MAP2K5: variants seen among roughly 807,000 people sequenced by gnomAD.
MAP2K5 encodes the protein mitogen-activated protein kinase kinase 5.
Under a neutral mutation model 83.1 loss-of-function variants are expected in MAP2K5, and 49 were observed. That is an observed-to-expected ratio of 0.59 (90% CI 0.47 to 0.75). The LOEUF (loss-of-function observed/expected upper bound fraction) is 0.75, where lower values mean the gene tolerates loss of function less well. Ranked by LOEUF, MAP2K5 falls within the 30% of genes least tolerant of loss-of-function variation. The probability of loss-of-function intolerance (pLI) is 0.00; values close to 1 mark genes in which losing one functional copy is unlikely to be tolerated. For synonymous variants in MAP2K5, 202 were observed against 191.8 expected, an observed-to-expected ratio of 1.05 and a Z score of -0.44; for missense variants, 457 against 557.5, an observed-to-expected ratio of 0.82 and a Z score of 1.82.
At chr15:67,688,973 G>A (rs961280175) in intron 13 of MAP2K5, among the ~76,000 whole-genome samples, 2 of 152,172 alleles carry the variant, frequency 1.3e-5, no homozygotes, top group East Asian at 3.8e-4. Context: ...CAACCAGTGA[G>A]CAAGATACTG....
chr15:67,805,815 C>T (rs2090793061), intron 21 of MAP2K5, among the ~76,000 whole-genome samples: 1 of 152,220 alleles, frequency 6.6e-6, no homozygotes, highest in Admixed American at 6.5e-5. Context: ...GAAGGCTTTT[C>T]ACTTTTCCTT....
At chr15:67,712,351 T>C (rs1306616566) in intron 16 of MAP2K5, among the ~76,000 whole-genome samples, 5 of 152,180 alleles carry the variant, frequency 3.3e-5, no homozygotes, top group Non-Finnish European at 7.3e-5. Flanking sequence ...ACAAGCCCCA[T>C]CCATGAGCAC....
rs1382750145 is a variant in MAP2K5 at position 67,565,785 on chromosome 15, T to A, written c.252+2435T>A. Among the ~76,000 whole-genome samples, 2 of 152,052 alleles carry A rather than the reference T, an allele frequency of 1.3e-5. No homozygotes were observed. Among genetic ancestry groups the A allele is most frequent in the African/African-American group, 2.4e-5 (1 of 41,398 alleles). ...TCATTGATGAGATAATTTAAAAAAA[T>A]TTTTTGTAGAGATAGGGTCTTGCTT... On this transcript the variant is annotated intron_variant, in intron 3 of 21. Coordinates refer to ENST00000178640, the MANE Select transcript of MAP2K5 (RefSeq NM_145160.3). This position sits in a 1 kb window ranked among gnomAD's most constrained non-coding sequence, Gnocchi z 4.1.
At chr15:67,621,832 T>A (rs1415318039) in intron 8 of MAP2K5, among the ~76,000 whole-genome samples, 2 of 152,112 alleles carry the variant, frequency 1.3e-5, no homozygotes, top group African/African-American at 2.4e-5. Context: ...CTTCCTTTGT[T>A]GTGGAGGGAG....
Position 67,802,932 on chromosome 15 carries a change from C to G in MAP2K5, c.1243-3714C>G, listed in dbSNP as rs1176563628. ...AGACTGCAAGGAGCCTCGAGGTTGG[C>G]TGTCTGATTGCAGGCACAGGAGAGC... is the stretch of plus-strand genomic sequence containing the variant. On this transcript the variant is annotated intron_variant, in intron 21 of 21. Transcript: ENST00000178640. The surrounding 1 kb of genome is among the most constrained non-coding windows in gnomAD (Gnocchi z 5.0). 6.6e-6 allele frequency among the ~76,000 whole-genome samples: 1 copy of G among 152,244 alleles called. No homozygotes were observed. The highest frequency in any genetic ancestry group is 2.4e-5 in the African/African-American group (1 of 41,466).
intron 8 of MAP2K5, among the ~76,000 whole-genome samples, chr15:67,622,260 A>G (rs2414970): frequency 0.99 from 150,032 of 152,208 alleles, 73,992 homozygotes; most frequent in Middle Eastern, 1. Context: ...AATGGAGCAA[A>G]CCAGGTATAT....
intron 16 of MAP2K5, among the ~76,000 whole-genome samples, chr15:67,726,050 T>C (rs1484550183): frequency 1.3e-5 from 2 of 152,234 alleles, no homozygotes; most frequent in Non-Finnish European, 2.9e-5. Context: ...GTTTTTGTTA[T>C]GTACAGTGGA....
intron 13 of MAP2K5, among the ~76,000 whole-genome samples, chr15:67,686,081 G>C (rs187481505): frequency 6.6e-6 from 1 of 152,096 alleles, no homozygotes; most frequent in Non-Finnish European, 1.5e-5. Context: ...AAGAAAGCAG[G>C]AAAAGAAGAG....
At chr15:67,739,391 G>C (rs1030254341) in intron 17 of MAP2K5, among the ~76,000 whole-genome samples, 5 of 129,222 alleles carry the variant, frequency 3.9e-5, no homozygotes, top group African/African-American at 1.4e-4. Flanking sequence ...AAGCCAGTAA[G>C]ACACATGTTA....
At chr15:67,804,788 C>T (rs13329413) in intron 21 of MAP2K5, among the ~76,000 whole-genome samples, 32,199 of 152,208 alleles carry the variant, frequency 0.21, 4,610 homozygotes, top group East Asian at 0.59. Context: ...ACGAGGTCGC[C>T]CCTCCTGAGC....
intron 8 of MAP2K5, among the ~76,000 whole-genome samples, chr15:67,620,008 T>G (rs1021352579): frequency 6.6e-6 from 1 of 152,252 alleles, no homozygotes; most frequent in Non-Finnish European, 1.5e-5. Context: ...AGTTCAAGTC[T>G]GCATCGAGCT....
chr15:67,604,693 G>A (rs1218094070), intron 8 of MAP2K5, among the ~76,000 whole-genome samples: 1 of 152,078 alleles, frequency 6.6e-6, no homozygotes, highest in Admixed American at 6.5e-5. Flanking sequence ...TCAAGAGATT[G>A]AGACCATCCT....
chr15:67,674,766 A>C (rs900233680), intron 13 of MAP2K5, among the ~76,000 whole-genome samples: 20 of 152,208 alleles, frequency 1.3e-4, no homozygotes, highest in Non-Finnish European at 2.5e-4. Context: ...TAGAAAAACA[A>C]ACAATCCAAT....
At chr15:67,714,953 C>A (rs924162278) in intron 16 of MAP2K5, among the ~76,000 whole-genome samples, 3 of 152,140 alleles carry the variant, frequency 2.0e-5, no homozygotes, top group East Asian at 3.9e-4. Context: ...GTCTCCTGAT[C>A]CAACTAGTGA....
chr15:67,596,131 C>T (rs1436167392), intron 7 of MAP2K5, among the ~76,000 whole-genome samples: 1 of 152,108 alleles, frequency 6.6e-6, no homozygotes, highest in African/African-American at 2.4e-5. Flanking sequence ...CAAAAAGCCT[C>T]TAGAAAAACT....
chr15:67,624,933 A>T lies in MAP2K5; in HGVS notation c.546-5955A>T, dbSNP rs1040283251. ...GGCACGAGCCACTGTGCCCAGCCAAACATCACCATCTATTTCCTTTAGGTC... is the reference window on the plus strand; with the variant it reads ...GGCACGAGCCACTGTGCCCAGCCAATCATCACCATCTATTTCCTTTAGGTC... On this transcript the variant is annotated intron_variant, in intron 8 of 21. Coordinates refer to ENST00000178640, the MANE Select transcript of MAP2K5 (RefSeq NM_145160.3). Among the ~76,000 whole-genome samples the T allele has an allele frequency of 2.0e-5, 3 of 152,052 alleles. No homozygotes were observed. In the East Asian group the frequency reaches 5.8e-4, roughly 29 times the overall value.
chr15:67,682,929 C>T (rs2087856860), intron 13 of MAP2K5, among the ~76,000 whole-genome samples: 1 of 151,788 alleles, frequency 6.6e-6, no homozygotes, highest in Non-Finnish European at 1.5e-5. Context: ...CACCTGAGGT[C>T]AGGAGTTCGA....
At chr15:67,634,018 A>G (rs535330545) in intron 9 of MAP2K5, among the ~76,000 whole-genome samples, 2 of 152,072 alleles carry the variant, frequency 1.3e-5, no homozygotes, top group East Asian at 3.9e-4. Context: ...ATTTGTTGAG[A>G]CTTATATTAT....
chr15:67,602,031 A>G (rs576869910), intron 8 of MAP2K5, among the ~76,000 whole-genome samples: 2 of 152,356 alleles, frequency 1.3e-5, no homozygotes, highest in South Asian at 4.1e-4. Context: ...AAATAATAAC[A>G]TGTTTCTTAC....
Sources: allele counts gnomAD v4.1 joint callset (sites outside exome capture counted in the v4.1 genomes callset), GRCh38; gene constraint gnomAD v4.1.1; non-coding constraint Gnocchi (gnomAD v3.1); transcripts MANE v1.5; gene names NCBI Gene and HGNC (gene_info 2026-07-23, HGNC 2026-07-21).